RIPOR2: variants seen among roughly 807,000 people sequenced by gnomAD.
RIPOR2 encodes the protein RHO family interacting cell polarization regulator 2, also known as rho family-interacting cell polarization regulator 2.
Under a neutral mutation model 114.5 loss-of-function variants are expected in RIPOR2, and 39 were observed. The observed-to-expected ratio is 0.34, with a 90% CI of 0.26 to 0.44. The LOEUF is 0.44. Ranked by LOEUF, RIPOR2 falls within the 20% of genes least tolerant of loss-of-function variation. The pLI is 1.00. For synonymous variants in RIPOR2, 445 were observed against 484.4 expected (o/e 0.92, Z 1.07); for missense variants, 1,007 against 1,255.1 (o/e 0.80, Z 2.99).
intron 17 of RIPOR2, among the ~76,000 whole-genome samples, chr6:24,829,407 T>C (rs9467327): frequency 0.24 from 36,955 of 151,868 alleles, 4,943 homozygotes; most frequent in African/African-American, 0.36. Flanking sequence ...AAGGGAGGAT[T>C]GCTTGAGCCC....
In RIPOR2 at chr6:24,924,859, G is replaced by T. The variant is rs529584243; in HGVS notation, c.61+10979C>A. Among the ~76,000 whole-genome samples the T allele has an allele frequency of 5.3e-5, 8 of 152,264 alleles. No homozygotes were observed. The South Asian group carries it at 1.0e-3, about 20-fold the overall frequency. On this transcript the variant is annotated intron_variant, in intron 1 of 21. Transcript: ENST00000643898. Reference sequence around the variant, plus strand: ...TTTTCTGTAAAAAGCTAGATAAATAGTTTAGGCTTTGTGGGCCAAGTGATA... The same window carrying T: ...TTTTCTGTAAAAAGCTAGATAAATATTTTAGGCTTTGTGGGCCAAGTGATA...
At position 24,861,018 on chromosome 6, in the gene RIPOR2, C is replaced by T; in HGVS notation, c.670G>A (p.Val224Met). Residue 224 changes from valine (V) to methionine (M), a missense_variant, in exon 8 of 22, where the codon GTG becomes ATG. Coordinates refer to ENST00000643898, the MANE Select transcript of RIPOR2 (RefSeq NM_001286445.3). ...EYTENMCTIE[V>M]ELENLLGEFS... ...TCTCCCAGCAGATTCTCTAGCTCCA[C>T]TTCAATGGTGCACATATTCTGCAAA... 1 of 1,610,394 alleles carries T rather than the reference C, an allele frequency of 6.2e-7. No individual in the cohort carries two copies. Among genetic ancestry groups the T allele is most frequent in the Non-Finnish European group, 8.5e-7 (1 of 1,177,386 alleles).
intron 1 of RIPOR2, among the ~76,000 whole-genome samples, chr6:24,956,610 A>G (rs1773054885): frequency 6.6e-6 from 1 of 152,230 alleles, no homozygotes; most frequent in South Asian, 2.1e-4. Flanking sequence ...TAGATGAGGA[A>G]ACTGAGGCCT....
At chr6:24,854,458 G>T (rs1243372804) in intron 8 of RIPOR2, among the ~76,000 whole-genome samples, 1 of 152,166 alleles carries the variant, frequency 6.6e-6, no homozygotes, top group Non-Finnish European at 1.5e-5. Flanking sequence ...GGGGACGAAG[G>T]CATGCTAGTC....
chr6:24,976,724 G>A, intron 1 of RIPOR2: 1 of 1,610,788 alleles, frequency 6.2e-7, no homozygotes, highest in Non-Finnish European at 8.5e-7. Flanking sequence ...TCACCACTGG[G>A]AGAAATTTGA....
At chr6:24,856,016 C>T (rs1362554286) in intron 8 of RIPOR2, among the ~76,000 whole-genome samples, 1 of 152,104 alleles carries the variant, frequency 6.6e-6, no homozygotes. Flanking sequence ...GAGCGAGACC[C>T]TCGACTCAAA....
intron 1 of RIPOR2, among the ~76,000 whole-genome samples, chr6:24,994,655 G>A (rs565631728): frequency 3.3e-5 from 5 of 152,234 alleles, no homozygotes; most frequent in Non-Finnish European, 5.9e-5. Flanking sequence ...CATGGTTTGG[G>A]GTGTCTGTGG....
intron 6 of RIPOR2, among the ~76,000 whole-genome samples, chr6:24,867,617 C>A (rs1158654738): frequency 6.6e-6 from 1 of 152,162 alleles, no homozygotes; most frequent in Non-Finnish European, 1.5e-5. Context: ...ACAGGACCAT[C>A]GGTATAGCCA....
At chr6:24,875,557 C>A in intron 2 of RIPOR2, 134 bp downstream of exon 2, 1 of 771,766 alleles carries the variant, frequency 1.3e-6, no homozygotes, top group Non-Finnish European at 2.1e-6. Context: ...ACATCCTTTC[C>A]ATGAAAAAGA....
At chr6:24,979,283 C>CTTTTTTTTTTTTT (rs60372040) in intron 1 of RIPOR2, among the ~76,000 whole-genome samples, 24 of 99,428 alleles carry the variant, frequency 2.4e-4, no homozygotes, top group African/African-American at 3.3e-4. Context: ...TAGGGAAATT[C>CTTTTTTTTTTTTT]TTTTTTTTTT....
intron 6 of RIPOR2, among the ~76,000 whole-genome samples, chr6:24,867,438 G>A (rs1764715303): frequency 6.6e-6 from 1 of 152,204 alleles, no homozygotes; most frequent in Admixed American, 6.5e-5. Flanking sequence ...TGATGTGGGA[G>A]ATCCCCACAA....
At position 24,843,469 on chromosome 6, in the gene RIPOR2, T is replaced by C; in HGVS notation, c.1250A>G (p.Asn417Ser). ...GTGGGAGGTGAGGGCGCAGTCCCCG[T>C]TGGGCAGGTCACTGAAGCTGAGCGA... ...PLSLSFSDLP[N>S]GDCALTSHST... The change falls in exon 13 of 22, where the codon AAC becomes AGC. Residue 417 changes from asparagine (N) to serine (S), a missense_variant. Physicochemically the swap from Asn to Ser is conservative, Grantham distance 46. Transcript: ENST00000643898. 1 of 1,600,968 alleles carries C rather than the reference T, an allele frequency of 6.2e-7. No homozygotes were observed. Among genetic ancestry groups the C allele is most frequent in the South Asian group, 1.1e-5 (1 of 90,476 alleles).
intron 1 of RIPOR2, among the ~76,000 whole-genome samples, chr6:24,882,053 G>A (rs1766399916): frequency 6.6e-6 from 1 of 152,222 alleles, no homozygotes; most frequent in Non-Finnish European, 1.5e-5. Flanking sequence ...GAAGATGGGT[G>A]ATGAAGGACA....
At position 24,806,054 on chromosome 6, in the gene RIPOR2, A is replaced by T. The variant is rs1221432878; in HGVS notation, c.*319T>A. 1 of 254,104 alleles carries T rather than the reference A, an allele frequency of 3.9e-6. No homozygotes were observed. Among genetic ancestry groups the T allele is most frequent in the Non-Finnish European group, 7.5e-6 (1 of 133,716 alleles). 15.7% of individuals were successfully genotyped at this position (254,104 alleles called of 1,614,324 possible). A position where few individuals can be genotyped will look rare whatever the true frequency, so the allele number is the denominator to read the frequency against. ...AGCCTGAATCTTCTGGGCTCAAGCA[A>T]TCCTCCCACCTTAGCCTCCCAAGTA... is the stretch of plus-strand genomic sequence containing the variant. On this transcript the variant is annotated 3_prime_UTR_variant, in exon 22 of 22. Coordinates refer to ENST00000643898, the MANE Select transcript of RIPOR2 (RefSeq NM_001286445.3).
rs761420142 is a variant in RIPOR2 at position 24,832,224 on chromosome 6, C to T, written c.2344+32G>A. 1.6e-5 allele frequency: 24 copies of T among 1,548,076 alleles called. No homozygotes were observed. The South Asian group carries it at 1.7e-4, about 11-fold the overall frequency. ...ACTGGGCTAGTGGTGTCATCATTTACGTGAATAGCGGTGTAACTGGCAGAT... is the reference window on the plus strand; with the variant it reads ...ACTGGGCTAGTGGTGTCATCATTTATGTGAATAGCGGTGTAACTGGCAGAT... On this transcript the variant is annotated intron_variant, in intron 16 of 21. Coordinates refer to ENST00000643898, the MANE Select transcript of RIPOR2 (RefSeq NM_001286445.3).
chr6:24,822,708 T>C (rs1487294521), intron 19 of RIPOR2, among the ~76,000 whole-genome samples: 1 of 152,076 alleles, frequency 6.6e-6, no homozygotes, highest in Non-Finnish European at 1.5e-5. Flanking sequence ...TTAGTAGAGA[T>C]GGAGTTTCAC....
intron 17 of RIPOR2, among the ~76,000 whole-genome samples, chr6:24,828,880 T>A (rs1760426499): frequency 6.6e-6 from 1 of 152,162 alleles, no homozygotes; most frequent in African/African-American, 2.4e-5. Context: ...CAACATAAAT[T>A]AGTTTCACCT....
chr6:25,039,226 G>T (rs1777372875), intron 1 of RIPOR2, among the ~76,000 whole-genome samples: 1 of 152,200 alleles, frequency 6.6e-6, no homozygotes, highest in Non-Finnish European at 1.5e-5. Flanking sequence ...CACCCTTGCA[G>T]GCTGACATTT....
At chr6:24,846,003 C>T (rs909502497) in intron 12 of RIPOR2, among the ~76,000 whole-genome samples, 6 of 152,212 alleles carry the variant, frequency 3.9e-5, no homozygotes, top group African/African-American at 1.4e-4. Flanking sequence ...TGGGAACAGC[C>T]GCTCTGAGGA....
Sources: allele counts gnomAD v4.1 joint callset (sites outside exome capture counted in the v4.1 genomes callset), GRCh38; gene constraint gnomAD v4.1.1; transcripts MANE v1.5; gene names NCBI Gene and HGNC (gene_info 2026-07-23, HGNC 2026-07-21).